Variants in ZBTB16 observed in about 807,000 individuals in gnomAD.
ZBTB16 encodes zinc finger and BTB domain containing 16, also known as zinc finger and BTB domain-containing protein 16.
A neutral mutation model predicts 56.8 loss-of-function variants in ZBTB16; 8 were observed. The ratio of observed to expected loss-of-function variants is 0.14; its 90% confidence interval spans 0.08 to 0.25. ZBTB16 has a LOEUF of 0.25. Ranked by LOEUF, ZBTB16 falls within the 10% of genes least tolerant of loss-of-function variation. ZBTB16 has a pLI of 1.00. For synonymous variants in ZBTB16, 363 were observed against 368.5 expected (o/e 0.98, Z 0.17); for missense variants, 625 against 903.0 (o/e 0.69, Z 3.95).
intron 4 of ZBTB16, among the ~76,000 whole-genome samples, chr11:114,235,452 A>C (rs1292601041): frequency 6.6e-6 from 1 of 152,172 alleles, no homozygotes; most frequent in Non-Finnish European, 1.5e-5. Flanking sequence ...TCTATTAAAG[A>C]GATAATTGGT....
At chr11:114,206,619 C>G (rs559639038) in intron 4 of ZBTB16, among the ~76,000 whole-genome samples, 3 of 152,358 alleles carry the variant, frequency 2.0e-5, no homozygotes, top group African/African-American at 7.2e-5. Context: ...TGCCTGCTAG[C>G]TGTGCTGTTC....
chr11:114,247,671 G>A (rs981489730), intron 6 of ZBTB16, among the ~76,000 whole-genome samples: 4 of 152,212 alleles, frequency 2.6e-5, no homozygotes, highest in Non-Finnish European at 5.9e-5. Flanking sequence ...AATGATGTCT[G>A]TATATGAGTC....
chr11:114,202,827 T>C (rs1274374232), intron 4 of ZBTB16, among the ~76,000 whole-genome samples: 1 of 152,182 alleles, frequency 6.6e-6, no homozygotes, highest in Non-Finnish European at 1.5e-5. Context: ...CAGGCAGGTA[T>C]CACTTATTTG....
At chr11:114,166,616 C>T (rs1942765827) in intron 3 of ZBTB16, among the ~76,000 whole-genome samples, 1 of 152,128 alleles carries the variant, frequency 6.6e-6, no homozygotes, top group Admixed American at 6.5e-5. Context: ...CTCATCATAT[C>T]GAGTGACTTC....
intron 3 of ZBTB16, among the ~76,000 whole-genome samples, chr11:114,181,157 C>G (rs1215381874): frequency 2.0e-5 from 3 of 152,170 alleles, no homozygotes; most frequent in Non-Finnish European, 2.9e-5. Context: ...ACATCCAATT[C>G]CAGTAAAATC....
intron 4 of ZBTB16, among the ~76,000 whole-genome samples, chr11:114,194,701 GTAAAA>G (rs765561972): frequency 5.3e-5 from 8 of 152,154 alleles, no homozygotes; most frequent in Non-Finnish European, 8.8e-5. Context: ...ACACTGTTCA[GTAAAA>G]TAAAAGTGAG....
chr11:114,156,095 A>T (rs929965620), intron 2 of ZBTB16, among the ~76,000 whole-genome samples: 2 of 152,068 alleles, frequency 1.3e-5, no homozygotes, highest in Admixed American at 6.5e-5. Context: ...TTCTTGGTCC[A>T]TGTGTCAGTG....
At chr11:114,164,681 C>T (rs1942693321) in intron 3 of ZBTB16, among the ~76,000 whole-genome samples, 1 of 152,240 alleles carries the variant, frequency 6.6e-6, no homozygotes, top group Admixed American at 6.5e-5. Context: ...CGTGCTTTCT[C>T]TTGCCCTCAG....
Position 114,246,980 on chromosome 11 carries a change from C to G in ZBTB16, c.1625-218C>G, listed in dbSNP as rs976688637. On this transcript the variant is annotated intron_variant, in intron 5 of 6. Transcript: ENST00000335953. Reference sequence around the variant, plus strand: ...TCTCTTTCCCAGGACTGGCCCTTGCCCCACAGATGATCATGGGGCCACAGT... The same window carrying G: ...TCTCTTTCCCAGGACTGGCCCTTGCGCCACAGATGATCATGGGGCCACAGT... 5.6e-5 allele frequency: 35 copies of G among 630,326 alleles called. No homozygotes were observed. In the South Asian group the frequency reaches 6.5e-4, roughly 12 times the overall value. 39.0% of individuals were successfully genotyped at this position (630,326 alleles called of 1,614,324 possible). A position where few individuals can be genotyped will look rare whatever the true frequency, so the allele number is the denominator to read the frequency against.
chr11:114,207,191 A>G (rs1943896693), intron 4 of ZBTB16, among the ~76,000 whole-genome samples: 1 of 152,100 alleles, frequency 6.6e-6, no homozygotes, highest in South Asian at 2.1e-4. Context: ...TATCCTTCAA[A>G]GCATCATCAT....
chr11:114,151,682 A>G (rs1942281674), intron 2 of ZBTB16, among the ~76,000 whole-genome samples: 1 of 152,238 alleles, frequency 6.6e-6, no homozygotes, highest in African/African-American at 2.4e-5. Flanking sequence ...GTGCTGGGAC[A>G]TGAACCCCTC....
At chr11:114,161,051 G>A (rs552880707) in intron 3 of ZBTB16, among the ~76,000 whole-genome samples, 2 of 152,148 alleles carry the variant, frequency 1.3e-5, no homozygotes, top group Non-Finnish European at 2.9e-5. Context: ...TGGCATTGAA[G>A]CATCTGTTGA....
intron 4 of ZBTB16, among the ~76,000 whole-genome samples, chr11:114,195,108 C>A (rs1220443925): frequency 6.6e-6 from 1 of 152,138 alleles, no homozygotes; most frequent in Non-Finnish European, 1.5e-5. Context: ...GTTGTTCAAG[C>A]CACTGTACAT....
intron 2 of ZBTB16, among the ~76,000 whole-genome samples, chr11:114,079,973 G>C (rs908280216): frequency 1.6e-4 from 25 of 152,126 alleles, no homozygotes; most frequent in Admixed American, 8.5e-4. Flanking sequence ...TTTGGGCTCC[G>C]GGGCGGCACT....
chr11:114,134,774 A>C (rs1941755326), intron 2 of ZBTB16, among the ~76,000 whole-genome samples: 1 of 152,230 alleles, frequency 6.6e-6, no homozygotes, highest in African/African-American at 2.4e-5. Context: ...CATTTTTTTT[A>C]AACAATGAAA....
At chr11:114,146,085 G>C (rs956831586) in intron 2 of ZBTB16, among the ~76,000 whole-genome samples, 1 of 152,212 alleles carries the variant, frequency 6.6e-6, no homozygotes, top group Non-Finnish European at 1.5e-5. Flanking sequence ...CCAGCATACG[G>C]TAGGCGCTTA....
chr11:114,084,464 A>G (rs1199480003), intron 2 of ZBTB16, among the ~76,000 whole-genome samples: 1 of 152,192 alleles, frequency 6.6e-6, no homozygotes. Flanking sequence ...CTTTTCTTGC[A>G]TTAATTAGGG....
At chr11:114,219,170 A>G (rs1944172566) in intron 4 of ZBTB16, among the ~76,000 whole-genome samples, 1 of 152,196 alleles carries the variant, frequency 6.6e-6, no homozygotes, top group African/African-American at 2.4e-5. Flanking sequence ...GTAGGGAGGC[A>G]TCATGTGGGA....
intron 1 of ZBTB16, among the ~76,000 whole-genome samples, chr11:114,062,883 A>C (rs1213667237): frequency 1.3e-5 from 2 of 152,184 alleles, no homozygotes; most frequent in African/African-American, 4.8e-5. Context: ...GGGAGCCCCT[A>C]CTCTCAGACA....
Sources: gnomAD v4.1 joint callset for allele counts (sites outside exome capture counted in the v4.1 genomes callset) on GRCh38, gnomAD v4.1.1 for gene constraint, MANE v1.5 for transcripts, NCBI Gene and HGNC (gene_info 2026-07-23, HGNC 2026-07-21) for gene names.